Variants in UTRN observed in about 807,000 individuals in gnomAD.
UTRN encodes utrophin, also known as dystrophin-related protein 1.
Under a neutral mutation model 463.9 loss-of-function variants are expected in UTRN, and 283 were observed. The ratio of observed to expected loss-of-function variants is 0.61; its 90% CI spans 0.55 to 0.67. The LOEUF is 0.67. Among genes scored for constraint, UTRN ranks in the 30% least tolerant of loss-of-function variants. The pLI, the probability that UTRN is intolerant of heterozygous loss-of-function variation, is 0.00. For missense variants in UTRN, 3,922 were observed against 4,084.3 expected (o/e 0.96, Z 1.08); for synonymous variants, 1,442 against 1,431.5 (o/e 1.01, Z -0.17).
At chr6:144,439,034 G>T (rs530956394) in intron 12 of UTRN, 139 bp downstream of exon 12, 5 of 921,180 alleles carry the variant, frequency 5.4e-6, no homozygotes, top group Admixed American at 2.6e-5. Flanking sequence ...CAGCTCACAG[G>T]GTGGAATTGA....
At chr6:144,360,647 G>T (rs1779001535) in intron 2 of UTRN, among the ~76,000 whole-genome samples, 1 of 152,184 alleles carries the variant, frequency 6.6e-6, no homozygotes. Flanking sequence ...GGGCTGGCAG[G>T]AAGTGTCAGC....
intron 53 of UTRN, among the ~76,000 whole-genome samples, chr6:144,703,296 G>T (rs902661980): frequency 6.6e-6 from 1 of 152,174 alleles, no homozygotes; most frequent in African/African-American, 2.4e-5. Flanking sequence ...AGAGCTCGAT[G>T]TTTGACATGT....
chr6:144,692,734 A>G (rs892895411), intron 52 of UTRN, among the ~76,000 whole-genome samples: 1 of 151,834 alleles, frequency 6.6e-6, no homozygotes. Flanking sequence ...CCCACTTTTT[A>G]TGGTGTTTGT....
chr6:144,833,948 C>T (rs543221482), intron 69 of UTRN, among the ~76,000 whole-genome samples: 1 of 152,306 alleles, frequency 6.6e-6, no homozygotes, highest in East Asian at 1.9e-4. Context: ...TTTTGGATTG[C>T]TTTCAAATGC....
At chr6:144,472,357 C>T (rs1398122864) in intron 23 of UTRN, among the ~76,000 whole-genome samples, 1 of 150,100 alleles carries the variant, frequency 6.7e-6, no homozygotes, top group Non-Finnish European at 1.5e-5. Context: ...ATTAGATACA[C>T]AGAGTGATAA....
chr6:144,629,613 AGT>A (rs1008171692), intron 51 of UTRN, among the ~76,000 whole-genome samples: 37 of 152,308 alleles, frequency 2.4e-4, no homozygotes, highest in African/African-American at 8.9e-4. Context: ...TAAATGCCTA[AGT>A]GTTTAAGTCT....
intron 2 of UTRN, among the ~76,000 whole-genome samples, chr6:144,375,904 C>A (rs536836514): frequency 1.3e-5 from 2 of 152,134 alleles, no homozygotes; most frequent in Non-Finnish European, 2.9e-5. Flanking sequence ...TTCTGCCTGG[C>A]GTTTTATGGC....
intron 50 of UTRN, among the ~76,000 whole-genome samples, chr6:144,565,428 A>G (rs1362564709): frequency 6.6e-6 from 1 of 152,162 alleles, no homozygotes; most frequent in African/African-American, 2.4e-5. Flanking sequence ...AACATGTGGG[A>G]CTGGATGAGA....
chr6:144,605,484 C>G (rs1057046506), intron 51 of UTRN, among the ~76,000 whole-genome samples: 1 of 151,776 alleles, frequency 6.6e-6, no homozygotes, highest in Non-Finnish European at 1.5e-5. Context: ...TCTGTTCCCA[C>G]TCTTATTTCA....
chr6:144,327,704 G>A (rs1019719943), intron 2 of UTRN, among the ~76,000 whole-genome samples: 1 of 152,146 alleles, frequency 6.6e-6, no homozygotes, highest in African/African-American at 2.4e-5. Flanking sequence ...AGCGCTTTGG[G>A]AGGCCGAGTG....
intron 52 of UTRN, among the ~76,000 whole-genome samples, chr6:144,690,718 G>A (rs1783312268): frequency 6.6e-6 from 1 of 152,158 alleles, no homozygotes; most frequent in African/African-American, 2.4e-5. Context: ...ACATCCCGAT[G>A]TGGTTCCTTC....
intron 51 of UTRN, among the ~76,000 whole-genome samples, chr6:144,649,035 G>A (rs1778545479): frequency 2.0e-5 from 3 of 152,122 alleles, no homozygotes; most frequent in Admixed American, 2.0e-4. Context: ...ATGTAAATAA[G>A]GTACAGGGTA....
intron 2 of UTRN, among the ~76,000 whole-genome samples, chr6:144,298,424 A>G (rs2114525073): frequency 6.6e-6 from 1 of 152,344 alleles, no homozygotes; most frequent in African/African-American, 2.4e-5. Flanking sequence ...TTAAACAACC[A>G]AATACCTGAC....
chr6:144,285,345 G>A lies in UTRN; in HGVS notation c.-569G>A, dbSNP rs910889815. The stretch of plus-strand genomic sequence containing the variant: ...CAAAGTTGTGGAGTCGTTTTTCCTC[G>A]GAGCAGGGAAGCGGGCAGCAGCAGC... On this transcript the variant is annotated 5_prime_UTR_variant, in exon 1 of 75. Transcript: ENST00000367545. Among the ~76,000 whole-genome samples the A allele has an allele frequency of 6.6e-5, 10 of 152,198 alleles. No individual in the cohort carries two copies. Among genetic ancestry groups the A allele is most frequent in the Admixed American group, 4.6e-4 (7 of 15,292 alleles).
intron 32 of UTRN, among the ~76,000 whole-genome samples, chr6:144,492,640 G>A (rs751282176): frequency 6.6e-6 from 1 of 152,222 alleles, no homozygotes; most frequent in Non-Finnish European, 1.5e-5. Context: ...CCTACCAACA[G>A]TGTATGGTGT....
intron 74 of UTRN, among the ~76,000 whole-genome samples, chr6:144,848,361 A>T (rs1782200517): frequency 6.6e-6 from 1 of 152,188 alleles, no homozygotes; most frequent in Admixed American, 6.5e-5. Flanking sequence ...TGGGCTGAGT[A>T]TTGGCATTTA....
chr6:144,508,711 A>G (rs1039781367), intron 34 of UTRN, among the ~76,000 whole-genome samples: 2 of 152,088 alleles, frequency 1.3e-5, no homozygotes, highest in African/African-American at 4.8e-5. Flanking sequence ...TAGCTCTTTT[A>G]TAGTTTCATC....
chr6:144,382,683 T>C (rs1395788277), intron 2 of UTRN, among the ~76,000 whole-genome samples: 4 of 152,214 alleles, frequency 2.6e-5, no homozygotes, highest in Non-Finnish European at 5.9e-5. Context: ...AGCAGTTCCA[T>C]AAAGTAGTTG....
chr6:144,759,375 G>A lies in UTRN; in HGVS notation c.8495+1386G>A, dbSNP rs929875215. On this transcript the variant is annotated intron_variant, in intron 58 of 74. Transcript: ENST00000367545. ...ATTGTACACTATAACAATAATAATA[G>A]TAATAGTATTAGAGAACTTTAATTT... 1.1e-4 allele frequency among the ~76,000 whole-genome samples: 16 copies of A among 152,210 alleles called. No homozygotes were observed. The East Asian group carries it at 2.9e-3, about 28-fold the overall frequency.
Sources: gnomAD v4.1 joint callset for allele counts (sites outside exome capture counted in the v4.1 genomes callset) on GRCh38, gnomAD v4.1.1 for gene constraint, MANE v1.5 for transcripts, NCBI Gene and HGNC (gene_info 2026-07-23, HGNC 2026-07-21) for gene names.